Variants in SLC8A1 observed in about 807,000 individuals in gnomAD.
SLC8A1 encodes the protein solute carrier family 8 member A1, also known as sodium/calcium exchanger 1.
Under a neutral mutation model 68.3 loss-of-function variants are expected in SLC8A1, and 18 were observed. The ratio of observed to expected loss-of-function variants is 0.26; its 90% CI spans 0.18 to 0.39. The LOEUF is 0.39. Ranked by LOEUF, SLC8A1 falls within the 10% of genes least tolerant of loss-of-function variation. SLC8A1 has a pLI of 1.00. For missense variants in SLC8A1, 985 were observed against 1,156.7 expected (o/e 0.85, Z 2.15); for synonymous variants, 475 against 415.5 (o/e 1.14, Z -1.74).
intron 1 of SLC8A1, among the ~76,000 whole-genome samples, chr2:40,494,679 A>C (rs13421227): frequency 0.11 from 13,388 of 125,118 alleles, 1,005 homozygotes; most frequent in Non-Finnish European, 0.16. Flanking sequence ...ATATATATAT[A>C]TATATCCAAA....
Position 40,202,329 on chromosome 2 carries a change from G to C in SLC8A1, c.1809-24474C>G, listed in dbSNP as rs551209963. ...AGCTGTTAGGACACCCCTTCACAAA[G>C]CTATCTGTGATTTATCACTCAGAAT... On this transcript the variant is annotated intron_variant, in intron 2 of 7. Transcript: ENST00000406785. Among the ~76,000 whole-genome samples, 5 of 151,984 alleles carry C rather than the reference G, an allele frequency of 3.3e-5. No homozygotes were observed. In the East Asian group the frequency reaches 7.8e-4, roughly 24 times the overall value.
At chr2:40,154,416 G>A (rs1388621803) in intron 6 of SLC8A1, among the ~76,000 whole-genome samples, 2 of 141,294 alleles carry the variant, frequency 1.4e-5, no homozygotes, top group African/African-American at 2.6e-5. Context: ...GCATTCTCCC[G>A]CCTCAGCTTC....
At chr2:40,377,787 C>G (rs912164273) in intron 2 of SLC8A1, among the ~76,000 whole-genome samples, 7 of 152,242 alleles carry the variant, frequency 4.6e-5, no homozygotes, top group Non-Finnish European at 8.8e-5. Context: ...CTACTACCTT[C>G]TCCCTGTTAT....
chr2:40,326,652 A>C lies in SLC8A1; in HGVS notation c.1808+101821T>G, dbSNP rs547007014. Among the ~76,000 whole-genome samples, 97 of 152,284 alleles carry C rather than the reference A, an allele frequency of 6.4e-4. 2 individuals carry two copies. In the South Asian group the frequency reaches 0.02, roughly 31 times the overall value. The stretch of plus-strand genomic sequence containing the variant: ...AAAGGTGGTCCCCTTGTCCAAAATG[A>C]AGAGATGAAACAAATTTCTGGTACT... On this transcript the variant is annotated intron_variant, in intron 2 of 7. Coordinates refer to ENST00000406785, the Ensembl canonical transcript of SLC8A1.
At chr2:40,259,440 G>A (rs2064388595) in intron 2 of SLC8A1, among the ~76,000 whole-genome samples, 1 of 152,088 alleles carries the variant, frequency 6.6e-6, no homozygotes, top group Non-Finnish European at 1.5e-5. Context: ...CCCATTGCCA[G>A]AGCTCTTTCC....
intron 2 of SLC8A1, among the ~76,000 whole-genome samples, chr2:40,374,287 G>T (rs1679089207): frequency 6.6e-6 from 1 of 152,002 alleles, no homozygotes; most frequent in Non-Finnish European, 1.5e-5. Context: ...CAAGGCAGGT[G>T]GGTTCCTTGA....
chr2:40,358,429 A>C (rs532617419), intron 2 of SLC8A1, among the ~76,000 whole-genome samples: 1 of 152,312 alleles, frequency 6.6e-6, no homozygotes, highest in Admixed American at 6.5e-5. Context: ...AGGAACATAA[A>C]AGGCAGTGAA....
chr2:40,253,129 G>GTATATATGTATATGTATATACATACA (rs1012290665), intron 2 of SLC8A1, among the ~76,000 whole-genome samples: 36 of 106,210 alleles, frequency 3.4e-4, no homozygotes, highest in Admixed American at 3.3e-4. Context: ...ATATATACAC[G>GTATATATGTATATGTATATACATACA]TATATATGTA....
At chr2:40,466,977 A>G (rs972719620) in intron 1 of SLC8A1, among the ~76,000 whole-genome samples, 4 of 151,718 alleles carry the variant, frequency 2.6e-5, no homozygotes, top group African/African-American at 9.7e-5. Flanking sequence ...TTATCTAAAA[A>G]AAAAAAAAAA....
In SLC8A1 at chr2:40,352,525, G is replaced by C. The variant is rs539317049; in HGVS notation, c.1808+75948C>G. Among the ~76,000 whole-genome samples the C allele has an allele frequency of 3.3e-5, 5 of 152,242 alleles. No homozygotes were observed. The East Asian group carries it at 9.7e-4, about 29-fold the overall frequency. ...GTCATCAAAACTCATTTCCAAAACT[G>C]AGTGTGAAATTTAATTTCCTAGAGA... On this transcript the variant is annotated intron_variant, in intron 2 of 7. Transcript: ENST00000406785.
At chr2:40,452,916 AT>A (rs542709229), upstream of SLC8A1, among the ~76,000 whole-genome samples, 232 of 152,302 alleles carry the variant, frequency 1.5e-3, no homozygotes, top group Admixed American at 2.7e-3. Context: ...AAAGCCGAGC[AT>A]TAAGGTTGAG....
intron 6 of SLC8A1, among the ~76,000 whole-genome samples, chr2:40,159,101 G>C (rs1420742238): frequency 6.6e-6 from 1 of 152,128 alleles, no homozygotes; most frequent in Non-Finnish European, 1.5e-5. Context: ...GGCCTTAATA[G>C]GTCTATTGAT....
chr2:40,363,836 T>C (rs377407660), intron 2 of SLC8A1, among the ~76,000 whole-genome samples: 9 of 152,184 alleles, frequency 5.9e-5, no homozygotes, highest in Admixed American at 1.3e-4. Context: ...TTAAGGCTGA[T>C]TGACTCTGAA....
intron 1 of SLC8A1, among the ~76,000 whole-genome samples, chr2:40,431,468 C>G (rs1002875173): frequency 6.6e-6 from 1 of 152,020 alleles, no homozygotes; most frequent in African/African-American, 2.4e-5. Context: ...GTAGGCATAG[C>G]AGTGGACTCA....
At chr2:40,340,288 C>T (rs961847445) in intron 2 of SLC8A1, among the ~76,000 whole-genome samples, 3 of 152,234 alleles carry the variant, frequency 2.0e-5, no homozygotes, top group Admixed American at 6.5e-5. Flanking sequence ...AGGCCAGGTG[C>T]GGTGGCTCAT....
chr2:40,242,360 G>A (rs1158177967), intron 2 of SLC8A1, among the ~76,000 whole-genome samples: 1 of 152,082 alleles, frequency 6.6e-6, no homozygotes, highest in Non-Finnish European at 1.5e-5. Flanking sequence ...TGCAAATAAG[G>A]CTTATTTCAT....
At chr2:40,421,332 G>T (rs1408673956) in intron 2 of SLC8A1, among the ~76,000 whole-genome samples, 4 of 152,128 alleles carry the variant, frequency 2.6e-5, no homozygotes, top group African/African-American at 7.2e-5. Context: ...CACAAAGCTG[G>T]TAGGGGACAG....
intron 2 of SLC8A1, among the ~76,000 whole-genome samples, chr2:40,383,671 A>G (rs1265348208): frequency 6.6e-6 from 1 of 152,134 alleles, no homozygotes; most frequent in Admixed American, 6.6e-5. Context: ...CTTAATACAT[A>G]AACAAGTATT....
intron 2 of SLC8A1, among the ~76,000 whole-genome samples, chr2:40,415,173 G>A (rs887223369): frequency 6.6e-6 from 1 of 152,202 alleles, no homozygotes; most frequent in African/African-American, 2.4e-5. Flanking sequence ...AAGTCTAAGA[G>A]TAAGATAAGG....
Sources: allele counts gnomAD v4.1 joint callset (sites outside exome capture counted in the v4.1 genomes callset), GRCh38; gene constraint gnomAD v4.1.1; transcripts MANE v1.5; gene names NCBI Gene and HGNC (gene_info 2026-07-23, HGNC 2026-07-21).